The following GLIS3 variants were observed in gnomAD, a reference collection of about 807,000 sequenced individuals.
GLIS3 encodes the protein GLIS family zinc finger 3.
A neutral mutation model predicts 78.6 loss-of-function variants in GLIS3; 53 were observed. The observed-to-expected ratio is 0.67, with a 90% CI of 0.54 to 0.85. The LOEUF (loss-of-function observed/expected upper bound fraction) is 0.85. Ranked by LOEUF, GLIS3 falls within the 40% of genes least tolerant of loss-of-function variation. GLIS3 has a pLI of 0.00. For synonymous variants in GLIS3, 684 were observed against 509.9 expected, an observed-to-expected ratio of 1.34 and a Z score of -4.60; for missense variants, 1,703 against 1,231.1, an observed-to-expected ratio of 1.38 and a Z score of -5.74.
chr9:4,488,613 G>A, the GLIS3 span, among the ~76,000 whole-genome samples: 1 of 151,954 alleles, frequency 6.6e-6, no homozygotes, highest in Non-Finnish European at 1.5e-5. Flanking sequence ...TCCACCTCCT[G>A]GGTTCAAGTG....
chr9:4,168,630 G>A (rs1816095268), intron 2 of GLIS3, among the ~76,000 whole-genome samples: 1 of 152,152 alleles, frequency 6.6e-6, no homozygotes, highest in African/African-American at 2.4e-5. Context: ...AACATTTTGA[G>A]AAATAAGCCA....
chr9:4,013,699 A>G (rs1033987692), intron 4 of GLIS3, among the ~76,000 whole-genome samples: 1 of 152,172 alleles, frequency 6.6e-6, no homozygotes, highest in African/African-American at 2.4e-5. Context: ...TCACTTTTCC[A>G]GTCAGTGCTT....
intron 2 of GLIS3, among the ~76,000 whole-genome samples, chr9:4,333,735 G>GCC (rs113612580): frequency 1.3e-3 from 181 of 142,206 alleles, no homozygotes; most frequent in African/African-American, 4.7e-3. Context: ...GCAATGTGAT[G>GCC]CCCCCCCCCA....
the GLIS3 span, among the ~76,000 whole-genome samples, chr9:4,467,599 G>T: frequency 6.6e-6 from 1 of 152,160 alleles, no homozygotes; most frequent in Non-Finnish European, 1.5e-5. Context: ...CTAACAAACA[G>T]AAAGGACATC....
At chr9:4,136,196 A>T (rs929139439) in intron 2 of GLIS3, among the ~76,000 whole-genome samples, 1 of 152,204 alleles carries the variant, frequency 6.6e-6, no homozygotes, top group Admixed American at 6.5e-5. Flanking sequence ...CTCTGAAGAG[A>T]TAAGATATAC....
chr9:4,204,305 C>T (rs967915743), intron 2 of GLIS3, among the ~76,000 whole-genome samples: 2 of 152,102 alleles, frequency 1.3e-5, no homozygotes, highest in African/African-American at 4.8e-5. Context: ...CCAATGCCTT[C>T]TAGAAAATAT....
chr9:4,424,267 C>A, the GLIS3 span, among the ~76,000 whole-genome samples: 5 of 152,138 alleles, frequency 3.3e-5, no homozygotes, highest in African/African-American at 9.7e-5. Flanking sequence ...ATGACCCCAA[C>A]CTGTTTTCAC....
chr9:3,918,402 C>T (rs963778911), intron 6 of GLIS3, among the ~76,000 whole-genome samples: 9 of 152,116 alleles, frequency 5.9e-5, no homozygotes, highest in African/African-American at 1.7e-4. Flanking sequence ...TGTCTCCCTC[C>T]TGATCAAAAG....
the GLIS3 span, among the ~76,000 whole-genome samples, chr9:4,407,014 G>C: frequency 1.1e-4 from 16 of 152,078 alleles, no homozygotes; most frequent in Non-Finnish European, 1.9e-4. Flanking sequence ...GAACAAAACT[G>C]GAAGAATCAC....
Position 4,114,121 on chromosome 9 carries a change from C to A in GLIS3, c.1710+3647G>T, listed in dbSNP as rs1171783906. ...TCATCAGTGTTTCTGATCCTAGCAA[C>A]AGAACCCTGGGTCCCTCTACTCACT... On this transcript the variant is annotated intron_variant, in intron 4 of 10. Transcript: ENST00000381971. Among the ~76,000 whole-genome samples the A allele has an allele frequency of 3.9e-5, 6 of 152,298 alleles. No individual in the cohort carries two copies. The South Asian group carries it at 1.2e-3, about 32-fold the overall frequency.
At chr9:4,288,898 T>G (rs1471238247) in intron 1 of GLIS3, among the ~76,000 whole-genome samples, 1 of 151,950 alleles carries the variant, frequency 6.6e-6, no homozygotes, top group Admixed American at 6.6e-5. Context: ...AACATGAAAA[T>G]ATGGCGAATA....
At chr9:4,407,519 C>G in the GLIS3 span, among the ~76,000 whole-genome samples, 1 of 152,116 alleles carries the variant, frequency 6.6e-6, no homozygotes, top group Non-Finnish European at 1.5e-5. Context: ...TGGTGGCGGG[C>G]GCCTGTAGTC....
At chr9:4,241,205 G>C (rs16920964) in intron 2 of GLIS3, among the ~76,000 whole-genome samples, 7,132 of 152,208 alleles carry the variant, frequency 0.047, 558 homozygotes, top group African/African-American at 0.16. Context: ...GAGTAGACGT[G>C]AAAGGAAAGC....
At chr9:4,101,925 G>A in intron 4 of GLIS3, among the ~76,000 whole-genome samples, 1 of 152,264 alleles carries the variant, frequency 6.6e-6, no homozygotes, top group Non-Finnish European at 1.5e-5. Context: ...GAGCATCCAA[G>A]GACACAGATG....
intron 2 of GLIS3, among the ~76,000 whole-genome samples, chr9:4,339,485 C>T (rs897692129): frequency 2.6e-5 from 4 of 151,740 alleles, no homozygotes; most frequent in Non-Finnish European, 5.9e-5. Context: ...ACATAAACAG[C>T]CTTGTTTTTT....
intron 8 of GLIS3, 50 bp downstream of exon 8, chr9:3,879,377 G>A (rs1417932271): frequency 1.0e-5 from 16 of 1,563,140 alleles, no homozygotes; most frequent in Non-Finnish European, 1.4e-5. Context: ...TGTCTGTGAA[G>A]GGAGGTTTGG....
chr9:3,862,399 G>T (rs866330226), intron 8 of GLIS3, among the ~76,000 whole-genome samples: 7 of 152,162 alleles, frequency 4.6e-5, no homozygotes, highest in Admixed American at 2.0e-4. Flanking sequence ...GCTCAGCCCT[G>T]AACTGGAGTT....
At chr9:4,133,114 T>C (rs773622212) in intron 2 of GLIS3, among the ~76,000 whole-genome samples, 34 of 152,256 alleles carry the variant, frequency 2.2e-4, no homozygotes, top group Non-Finnish European at 5.0e-4. Context: ...AAGCTCATCG[T>C]ACTATCTATC....
At chr9:4,031,479 G>T (rs1405170325) in intron 4 of GLIS3, among the ~76,000 whole-genome samples, 1 of 152,220 alleles carries the variant, frequency 6.6e-6, no homozygotes, top group East Asian at 1.9e-4. Flanking sequence ...GCCTGTGGCT[G>T]AGAGGAGGTA....
Sources: allele counts gnomAD v4.1 joint callset (sites outside exome capture counted in the v4.1 genomes callset), GRCh38; gene constraint gnomAD v4.1.1; transcripts MANE v1.5; gene names NCBI Gene and HGNC (gene_info 2026-07-23, HGNC 2026-07-21).